CAB39L: variants seen among roughly 807,000 people sequenced by gnomAD.
CAB39L encodes the protein calcium-binding protein 39-like.
In CAB39L, 23 loss-of-function variants were observed where a neutral mutation model predicts 39.1. That is an observed-to-expected ratio of 0.59 (90% CI 0.42 to 0.83). CAB39L has a LOEUF of 0.83. Ranked by LOEUF, CAB39L falls within the 40% of genes least tolerant of loss-of-function variation. The probability of loss-of-function intolerance (pLI) is 0.00; values close to 1 mark genes in which losing one functional copy is unlikely to be tolerated. For missense variants in CAB39L, 366 were observed against 391.9 expected (o/e 0.93, Z 0.56); for synonymous variants, 126 against 137.2 (o/e 0.92, Z 0.57).
rs993458437 is a variant in CAB39L at position 49,309,248 on chromosome 13, G to A, written c.*1566C>T. The A allele has an allele frequency of 5.9e-5, 9 of 152,268 alleles. No homozygotes were observed. The highest frequency in any genetic ancestry group is 2.2e-4 in the African/African-American group (9 of 41,456). The allele number at this position is 152,268 out of a possible 1,614,324, so 9.4% of individuals were successfully genotyped here. A position where few individuals can be genotyped will look rare whatever the true frequency, so the allele number is the denominator to read the frequency against. ...AGGGAGGCCACAGCTGCCAAAGCGGGGAGGTGCGCCAGGCCCCACATCACC... is the reference window on the plus strand; with the variant it reads ...AGGGAGGCCACAGCTGCCAAAGCGGAGAGGTGCGCCAGGCCCCACATCACC... On this transcript the variant is annotated 3_prime_UTR_variant, in exon 11 of 11. Coordinates refer to ENST00000409308, the MANE Select transcript of CAB39L (RefSeq NM_001079670.3).
At chr13:49,346,334 G>GAA (rs58683390) in intron 7 of CAB39L, among the ~76,000 whole-genome samples, 1 of 112,482 alleles carries the variant, frequency 8.9e-6, no homozygotes, top group Non-Finnish European at 1.8e-5. Flanking sequence ...ATAACTGAGT[G>GAA]AAAAAAAAAA....
At chr13:49,348,187 G>T (rs1473767855) in intron 7 of CAB39L, among the ~76,000 whole-genome samples, 3 of 152,106 alleles carry the variant, frequency 2.0e-5, no homozygotes, top group Non-Finnish European at 4.4e-5. Flanking sequence ...TTGGGGAAAT[G>T]ATGGCATTGC....
intron 8 of CAB39L, among the ~76,000 whole-genome samples, chr13:49,341,288 C>T (rs1257879270): frequency 6.6e-6 from 1 of 151,522 alleles, no homozygotes; most frequent in African/African-American, 2.4e-5. Flanking sequence ...AAGTCTCGCT[C>T]TGATGCCAAG....
chr13:49,348,289 G>A (rs1955239466), intron 7 of CAB39L, among the ~76,000 whole-genome samples: 1 of 152,152 alleles, frequency 6.6e-6, no homozygotes, highest in South Asian at 2.1e-4. Flanking sequence ...CACAGTGGCC[G>A]GGCGCAGTGA....
intron 8 of CAB39L, among the ~76,000 whole-genome samples, chr13:49,343,645 GAGAC>G (rs1262737507): frequency 1.3e-5 from 2 of 151,794 alleles, no homozygotes; most frequent in Non-Finnish European, 2.9e-5. Context: ...AGAGGGGAGA[GAGAC>G]AGAGACAGAA....
intron 5 of CAB39L, among the ~76,000 whole-genome samples, chr13:49,368,177 C>T (rs1955821019): frequency 6.6e-6 from 1 of 152,176 alleles, no homozygotes. Context: ...ACATTCCATA[C>T]AGCATTCCAG....
At chr13:49,350,471 G>C (rs538562641) in intron 7 of CAB39L, among the ~76,000 whole-genome samples, 2 of 152,130 alleles carry the variant, frequency 1.3e-5, no homozygotes, top group Admixed American at 6.6e-5. Flanking sequence ...GCCACACACA[G>C]AGCACTACAT....
At chr13:49,415,704 A>C (rs1275356007) in intron 3 of CAB39L, among the ~76,000 whole-genome samples, 1 of 152,178 alleles carries the variant, frequency 6.6e-6, no homozygotes, top group Non-Finnish European at 1.5e-5. Context: ...ATACAGAACA[A>C]CTTTAGTGAC....
intron 3 of CAB39L, among the ~76,000 whole-genome samples, chr13:49,420,939 A>C (rs1026947605): frequency 2.0e-5 from 3 of 152,134 alleles, no homozygotes; most frequent in African/African-American, 4.8e-5. Context: ...TGCATGAAGA[A>C]AAAAATAATA....
chr13:49,437,261 TTTTG>T (rs1163064731), intron 1 of CAB39L, among the ~76,000 whole-genome samples: 4 of 152,222 alleles, frequency 2.6e-5, no homozygotes, highest in African/African-American at 4.8e-5. Flanking sequence ...TAAAGTGTTT[TTTTG>T]TTTGTTTGTT....
chr13:49,426,615 C>T (rs1271111454), intron 3 of CAB39L, among the ~76,000 whole-genome samples: 5 of 152,066 alleles, frequency 3.3e-5, no homozygotes, highest in East Asian at 1.9e-4. Flanking sequence ...TTAGTAGAGA[C>T]GGGGTTTCAC....
At chr13:49,348,819 C>G (rs965559979) in intron 7 of CAB39L, among the ~76,000 whole-genome samples, 1 of 152,194 alleles carries the variant, frequency 6.6e-6, no homozygotes. Context: ...GGACTTGCCT[C>G]CCGCTTAACC....
intron 9 of CAB39L, among the ~76,000 whole-genome samples, chr13:49,333,472 G>C (rs781741412): frequency 5.8e-4 from 88 of 151,858 alleles, no homozygotes; most frequent in Non-Finnish European, 8.5e-4. Context: ...TATACCCATG[G>C]GTTCAACTGT....
chr13:49,374,603 CTG>C (rs1956007938), intron 5 of CAB39L, among the ~76,000 whole-genome samples: 1 of 152,162 alleles, frequency 6.6e-6, no homozygotes, highest in Non-Finnish European at 1.5e-5. Context: ...ACTTGCATAA[CTG>C]TTTCTTACAT....
intron 3 of CAB39L, among the ~76,000 whole-genome samples, chr13:49,415,523 A>G (rs75159170): frequency 3.9e-5 from 1 of 25,372 alleles, no homozygotes; most frequent in Non-Finnish European, 8.2e-5. Context: ...TCTGTCTTGG[A>G]AAAAAAAAAA....
intron 4 of CAB39L, among the ~76,000 whole-genome samples, chr13:49,381,359 G>A (rs1956249768): frequency 6.6e-6 from 1 of 152,130 alleles, no homozygotes; most frequent in Admixed American, 6.5e-5. Flanking sequence ...CATACATGGA[G>A]AGTATGTTTA....
intron 5 of CAB39L, among the ~76,000 whole-genome samples, chr13:49,365,673 G>T (rs1301547691): frequency 6.6e-6 from 1 of 152,158 alleles, no homozygotes; most frequent in Non-Finnish European, 1.5e-5. Flanking sequence ...GTGGGGAAAA[G>T]GAACCCCTCA....
At position 49,407,726 on chromosome 13, in the gene CAB39L, T is replaced by A. The variant is rs549862309; in HGVS notation, c.-31-24785A>T. Among the ~76,000 whole-genome samples the A allele has an allele frequency of 1.1e-4, 17 of 151,664 alleles. No individual in the cohort carries two copies. In the East Asian group the frequency reaches 2.3e-3, roughly 21 times the overall value. On this transcript the variant is annotated intron_variant, in intron 3 of 10. Coordinates refer to ENST00000409308, the MANE Select transcript of CAB39L (RefSeq NM_001079670.3). ...TTTTTATTTAAATATATAACAGTTG[T>A]AAGAAAAAGTGTATTAAGGCCAAGG... is the stretch of plus-strand genomic sequence containing the variant.
At chr13:49,390,895 T>C (rs765734004) in intron 3 of CAB39L, among the ~76,000 whole-genome samples, 16 of 143,756 alleles carry the variant, frequency 1.1e-4, no homozygotes, top group Non-Finnish European at 2.1e-4. Flanking sequence ...TGATTGAATA[T>C]AAATGCTTAA....
Sources: gnomAD v4.1 joint callset for allele counts (sites outside exome capture counted in the v4.1 genomes callset) on GRCh38, gnomAD v4.1.1 for gene constraint, MANE v1.5 for transcripts, NCBI Gene and HGNC (gene_info 2026-07-23, HGNC 2026-07-21) for gene names.